MACROD1: variants seen among roughly 807,000 people sequenced by gnomAD.
MACROD1 encodes the protein ADP-ribose glycohydrolase MACROD1.
MACROD1 carries 31 observed loss-of-function variants against 41.4 expected under a neutral mutation model. The observed-to-expected ratio is 0.75, with a 90% CI of 0.56 to 1.01. The LOEUF is 1.01. MACROD1 is among the 50% of genes least tolerant of loss of function. The pLI, the probability that MACROD1 is intolerant of heterozygous loss-of-function variation, is 0.00. For missense variants in MACROD1, 473 were observed against 460.0 expected, an observed-to-expected ratio of 1.03 and a Z score of -0.26; for synonymous variants, 252 against 203.4, an observed-to-expected ratio of 1.24 and a Z score of -2.03.
chr11:64,132,616 T>TATTG (rs1297717349), intron 3 of MACROD1, among the ~76,000 whole-genome samples: 2 of 152,196 alleles, frequency 1.3e-5, no homozygotes, highest in Admixed American at 1.3e-4. Context: ...GGATGTGCTC[T>TATTG]ATTGAGCCCG....
At chr11:64,095,588 G>T (rs1232291231) in intron 3 of MACROD1, among the ~76,000 whole-genome samples, 1 of 152,208 alleles carries the variant, frequency 6.6e-6, no homozygotes, top group African/African-American at 2.4e-5. Flanking sequence ...AACTGAGGTT[G>T]CTAGTGGATG....
chr11:64,114,680 T>C (rs557925702), intron 3 of MACROD1, among the ~76,000 whole-genome samples: 1 of 151,226 alleles, frequency 6.6e-6, no homozygotes, highest in East Asian at 1.9e-4. Flanking sequence ...GATGGATGGA[T>C]GGACAGGTAG....
intron 3 of MACROD1, among the ~76,000 whole-genome samples, chr11:64,058,055 G>A (rs996335170): frequency 3.3e-5 from 5 of 152,232 alleles, no homozygotes; most frequent in Non-Finnish European, 5.9e-5. Flanking sequence ...TGTAATCTGC[G>A]ACACTGGGCT....
intron 3 of MACROD1, chr11:64,116,321 CACGG>C: frequency 6.2e-7 from 1 of 1,609,642 alleles, no homozygotes. Flanking sequence ...CTGCCACTGT[CACGG>C]CCACCGTTGT....
At chr11:64,003,311 G>A (rs990442296) in intron 4 of MACROD1, among the ~76,000 whole-genome samples, 2 of 152,164 alleles carry the variant, frequency 1.3e-5, no homozygotes, top group Admixed American at 6.5e-5. Flanking sequence ...TCTGCCTCCT[G>A]GGTTCAAGTG....
At chr11:64,030,466 C>T (rs185695428) in intron 3 of MACROD1, among the ~76,000 whole-genome samples, 12 of 152,228 alleles carry the variant, frequency 7.9e-5, no homozygotes, top group Non-Finnish European at 1.2e-4. Flanking sequence ...CAAATAGGCC[C>T]GGCTGTGCCC....
At chr11:64,074,560 G>A (rs1358579373) in intron 3 of MACROD1, among the ~76,000 whole-genome samples, 3 of 152,194 alleles carry the variant, frequency 2.0e-5, no homozygotes, top group Non-Finnish European at 4.4e-5. Flanking sequence ...AAGCAATTCC[G>A]ATGTCACCTC....
chr11:64,017,332 G>A (rs1284439895), intron 3 of MACROD1, among the ~76,000 whole-genome samples: 2 of 152,114 alleles, frequency 1.3e-5, no homozygotes, highest in Admixed American at 6.5e-5. Flanking sequence ...GCTGGGCACA[G>A]ATGGGCCCAT....
At chr11:64,075,677 G>A (rs995140634) in intron 3 of MACROD1, among the ~76,000 whole-genome samples, 3 of 152,204 alleles carry the variant, frequency 2.0e-5, no homozygotes, top group Non-Finnish European at 4.4e-5. Flanking sequence ...GGCTGCTGCT[G>A]CTTCTTTTTT....
intron 3 of MACROD1, among the ~76,000 whole-genome samples, chr11:64,134,501 C>T (rs1407353090): frequency 1.3e-5 from 2 of 152,156 alleles, no homozygotes; most frequent in African/African-American, 4.8e-5. Flanking sequence ...AAGGCAGTGG[C>T]GGCAGCAGCC....
intron 1 of MACROD1, among the ~76,000 whole-genome samples, chr11:64,155,112 C>A (rs901544194): frequency 1.3e-5 from 2 of 152,214 alleles, no homozygotes; most frequent in African/African-American, 4.8e-5. Context: ...GGTGTGTGGG[C>A]ACCTGAGGGT....
chr11:64,027,511 A>G (rs1366480416), intron 3 of MACROD1, among the ~76,000 whole-genome samples: 1 of 152,256 alleles, frequency 6.6e-6, no homozygotes, highest in East Asian at 1.9e-4. Flanking sequence ...AACTGGCTCA[A>G]TCCAGTCAAT....
intron 3 of MACROD1, among the ~76,000 whole-genome samples, chr11:64,059,775 T>A (rs531220643): frequency 1.7e-4 from 26 of 152,296 alleles, no homozygotes; most frequent in African/African-American, 4.8e-4. Flanking sequence ...CTATTCCCTC[T>A]CCTGAGTTTC....
At chr11:64,106,890 A>AT (rs988619028) in intron 3 of MACROD1, among the ~76,000 whole-genome samples, 17 of 150,174 alleles carry the variant, frequency 1.1e-4, no homozygotes, top group Non-Finnish European at 1.6e-4. Flanking sequence ...ATTTTATTTT[A>AT]TTTTTTTTTG....
intron 3 of MACROD1, chr11:64,117,641 G>A (rs774255767): frequency 7.4e-6 from 12 of 1,613,578 alleles, no homozygotes; most frequent in Non-Finnish European, 1.0e-5. Flanking sequence ...GGAAGGCCAC[G>A]CTCCCCGCCT....
chr11:64,043,245 C>T (rs535375826), intron 3 of MACROD1, among the ~76,000 whole-genome samples: 11 of 152,290 alleles, frequency 7.2e-5, no homozygotes, highest in African/African-American at 2.4e-4. Context: ...GGACAGGCCC[C>T]GCCAGACACG....
intron 1 of MACROD1, among the ~76,000 whole-genome samples, chr11:64,153,399 G>C (rs1945615387): frequency 6.6e-6 from 1 of 152,212 alleles, no homozygotes; most frequent in African/African-American, 2.4e-5. Context: ...AGGCGGGAGA[G>C]CAATTAGAGG....
At chr11:64,001,520 G>A (rs1417298703) in intron 4 of MACROD1, 3 of 702,408 alleles carry the variant, frequency 4.3e-6, no homozygotes, top group South Asian at 1.5e-5. Context: ...AGGGATGCCA[G>A]GTAGCTCACA....
chr11:64,023,539 G>A (rs1565198260), intron 3 of MACROD1, among the ~76,000 whole-genome samples: 2 of 152,342 alleles, frequency 1.3e-5, no homozygotes, highest in Admixed American at 1.3e-4. Context: ...CTCCTGGTAA[G>A]TCAGGGAGAA....
Sources: allele counts gnomAD v4.1 joint callset (sites outside exome capture counted in the v4.1 genomes callset), GRCh38; gene constraint gnomAD v4.1.1; transcripts MANE v1.5; gene names NCBI Gene and HGNC (gene_info 2026-07-23, HGNC 2026-07-21).